The following NKAIN2 variants were observed in gnomAD, a reference collection of about 807,000 sequenced individuals.
NKAIN2 encodes the protein sodium/potassium-transporting ATPase subunit beta-1-interacting protein 2.
A neutral mutation model predicts 32.6 loss-of-function variants in NKAIN2; 14 were observed. That is an observed-to-expected ratio of 0.43 (90% confidence interval 0.28 to 0.67). The LOEUF is 0.67. NKAIN2 is among the 30% of genes least tolerant of loss of function. The pLI is 0.17. For synonymous variants in NKAIN2, 80 were observed against 87.2 expected (o/e 0.92, Z 0.46); for missense variants, 198 against 258.3 (o/e 0.77, Z 1.60).
chr6:124,565,206 G>A (rs757255331), intron 3 of NKAIN2, among the ~76,000 whole-genome samples: 12 of 152,128 alleles, frequency 7.9e-5, no homozygotes, highest in Non-Finnish European at 1.5e-4. Flanking sequence ...TTGATTCTTA[G>A]TGCTCAGGCA....
chr6:124,294,971 T>A (rs1218740763), intron 2 of NKAIN2, among the ~76,000 whole-genome samples: 1 of 152,194 alleles, frequency 6.6e-6, no homozygotes, highest in Admixed American at 6.6e-5. Flanking sequence ...GCTGCAAGTA[T>A]TAAGCTCATT....
At chr6:124,353,189 A>G (rs1007259015) in intron 2 of NKAIN2, among the ~76,000 whole-genome samples, 1 of 152,148 alleles carries the variant, frequency 6.6e-6, no homozygotes, top group African/African-American at 2.4e-5. Context: ...TGTGCAAAGT[A>G]CTAAGTTAGG....
At chr6:124,630,409 T>A (rs929182597) in intron 3 of NKAIN2, among the ~76,000 whole-genome samples, 2 of 152,180 alleles carry the variant, frequency 1.3e-5, no homozygotes, top group African/African-American at 4.8e-5. Context: ...TCCCTTTTAC[T>A]TCTCTGGTAC....
chr6:124,513,435 T>G (rs1161085941), intron 3 of NKAIN2, among the ~76,000 whole-genome samples: 1 of 152,174 alleles, frequency 6.6e-6, no homozygotes, highest in Non-Finnish European at 1.5e-5. Flanking sequence ...GGCAATATTG[T>G]ATCCAGAGGC....
intron 1 of NKAIN2, among the ~76,000 whole-genome samples, chr6:123,954,048 G>A (rs997637208): frequency 6.6e-6 from 1 of 152,204 alleles, no homozygotes; most frequent in African/African-American, 2.4e-5. Flanking sequence ...GGTGTCCTAT[G>A]TGGAAGTGGC....
intron 1 of NKAIN2, among the ~76,000 whole-genome samples, chr6:124,269,040 A>G (rs552351420): frequency 7.9e-4 from 121 of 152,348 alleles, no homozygotes; most frequent in African/African-American, 2.0e-3. Flanking sequence ...TAGAAGAAGC[A>G]TGTATAAAAT....
rs975410702 is a variant in NKAIN2 at position 124,687,300 on chromosome 6, A to C, written c.474+28914A>C. Among the ~76,000 whole-genome samples, 3 of 143,298 alleles carry C rather than the reference A, an allele frequency of 2.1e-5. No homozygotes were observed. The Admixed American group carries it at 2.1e-4, about 10-fold the overall frequency. 94.0% of individuals were successfully genotyped at this position (143,298 alleles called of 152,430 possible). ...TAGAGAGAGAATATATATATTCTATATATAGAGAATATATATGTAATATAT... is the reference window on the plus strand; with the variant it reads ...TAGAGAGAGAATATATATATTCTATCTATAGAGAATATATATGTAATATAT... On this transcript the variant is annotated intron_variant, in intron 4 of 6. Coordinates refer to ENST00000368417, the MANE Select transcript of NKAIN2 (RefSeq NM_001040214.3).
intron 3 of NKAIN2, among the ~76,000 whole-genome samples, chr6:124,483,435 A>G (rs1447541543): frequency 2.0e-5 from 3 of 152,216 alleles, no homozygotes; most frequent in African/African-American, 7.2e-5. Context: ...AAAAAGTATT[A>G]TAGCTCATGT....
chr6:124,311,926 T>G (rs577065570), intron 2 of NKAIN2, among the ~76,000 whole-genome samples: 1 of 152,222 alleles, frequency 6.6e-6, no homozygotes, highest in East Asian at 1.9e-4. Flanking sequence ...GTACTCTCCT[T>G]TACTCCCAAT....
chr6:123,931,148 C>T (rs781247543), intron 1 of NKAIN2, among the ~76,000 whole-genome samples: 1 of 151,860 alleles, frequency 6.6e-6, no homozygotes, highest in African/African-American at 2.4e-5. Flanking sequence ...CTTAACTCAC[C>T]GAGACCATCA....
At chr6:124,039,020 T>C (rs986982966) in intron 1 of NKAIN2, among the ~76,000 whole-genome samples, 1 of 152,136 alleles carries the variant, frequency 6.6e-6, no homozygotes, top group Admixed American at 6.6e-5. Flanking sequence ...TTAATTCTCA[T>C]ATGTATGATG....
chr6:124,502,518 A>G (rs902335450), intron 3 of NKAIN2, among the ~76,000 whole-genome samples: 2 of 152,164 alleles, frequency 1.3e-5, no homozygotes, highest in African/African-American at 4.8e-5. Context: ...AAAATGTATA[A>G]TGTGTTATGT....
chr6:124,069,439 TTACTC>T (rs1376376484), intron 1 of NKAIN2, among the ~76,000 whole-genome samples: 14 of 152,140 alleles, frequency 9.2e-5, no homozygotes, highest in African/African-American at 3.4e-4. Flanking sequence ...GCTAGAGTCA[TTACTC>T]TAATCAAGAG....
intron 1 of NKAIN2, among the ~76,000 whole-genome samples, chr6:123,819,100 A>C (rs1773817293): frequency 6.6e-6 from 1 of 152,108 alleles, no homozygotes; most frequent in South Asian, 2.1e-4. Flanking sequence ...TGAGAAGAGG[A>C]AAGTGGGTTA....
chr6:124,804,277 G>A (rs1275253939), intron 5 of NKAIN2, among the ~76,000 whole-genome samples: 1 of 152,136 alleles, frequency 6.6e-6, no homozygotes, highest in Non-Finnish European at 1.5e-5. Flanking sequence ...CTAAGGCACT[G>A]CCCTCACTGA....
chr6:124,192,233 C>T (rs1230534207), intron 1 of NKAIN2, among the ~76,000 whole-genome samples: 2 of 152,094 alleles, frequency 1.3e-5, no homozygotes, highest in Non-Finnish European at 2.9e-5. Flanking sequence ...ACATTTACAA[C>T]CATAAAGGTC....
Position 124,808,377 on chromosome 6 carries a change from A to G in NKAIN2, c.536-10010A>G, listed in dbSNP as rs140990255. On this transcript the variant is annotated intron_variant, in intron 5 of 6. Coordinates refer to ENST00000368417, the MANE Select transcript of NKAIN2 (RefSeq NM_001040214.3). ...TCCAGCATATAAACAGACCAAAGAC[A>G]AAAACCACATGACTATCTTAATAGA... Among the ~76,000 whole-genome samples, 695 of 152,354 alleles carry G rather than the reference A, an allele frequency of 4.6e-3. 5 individuals are homozygous for G. The highest frequency in any genetic ancestry group is 0.016 in the African/African-American group (662 of 41,580).
chr6:124,549,223 C>T (rs796518300), intron 3 of NKAIN2, among the ~76,000 whole-genome samples: 9 of 152,130 alleles, frequency 5.9e-5, no homozygotes, highest in African/African-American at 2.2e-4. Flanking sequence ...AATAAATTAG[C>T]CAGGTGTGGT....
At chr6:124,727,279 A>G (rs1776376256) in intron 4 of NKAIN2, among the ~76,000 whole-genome samples, 1 of 152,114 alleles carries the variant, frequency 6.6e-6, no homozygotes, top group South Asian at 2.1e-4. Context: ...GTTGAAATGA[A>G]GGAAAAAATG....
Sources: allele counts gnomAD v4.1 joint callset (sites outside exome capture counted in the v4.1 genomes callset), GRCh38; gene constraint gnomAD v4.1.1; transcripts MANE v1.5; gene names NCBI Gene and HGNC (gene_info 2026-07-23, HGNC 2026-07-21).